The following RSRC1 variants were observed in gnomAD, a reference collection of about 807,000 sequenced individuals.
RSRC1 encodes the protein arginine and serine rich coiled-coil 1.
RSRC1 carries 39 observed loss-of-function variants against 49.1 expected under a neutral mutation model. That is an observed-to-expected ratio of 0.79 (90% CI 0.61 to 1.04). RSRC1 has a LOEUF of 1.04. Among genes scored for constraint, RSRC1 ranks in the 50% least tolerant of loss-of-function variants. The pLI is 0.00. For synonymous variants in RSRC1, 143 were observed against 130.8 expected, an observed-to-expected ratio of 1.09 and a Z score of -0.63; for missense variants, 388 against 402.4, an observed-to-expected ratio of 0.96 and a Z score of 0.31.
Position 158,537,170 on chromosome 3 carries a change from C to T in RSRC1, c.731C>T (p.Thr244Ile), listed in dbSNP as rs758900863. The T allele has an allele frequency of 4.4e-6, 7 of 1,595,074 alleles. No individual in the cohort carries two copies. Among genetic ancestry groups the T allele is most frequent in the Non-Finnish European group, 6.0e-6 (7 of 1,172,098 alleles). The change falls in exon 8 of 10, where the codon ACA becomes ATA. Residue 244 changes from threonine to isoleucine, a missense_variant. Coordinates refer to ENST00000611884, the MANE Select transcript of RSRC1 (RefSeq NM_001271838.2). ...GAAAGTGATTCTTTTGTTCAGCAGA[C>T]ATTCAGATCAAGTAAAGAAGTCAAA... ...AIESDSFVQQ[T>I]FRSSKEVKKS...
chr3:158,139,458 G>A (rs1041820141), intron 3 of RSRC1, among the ~76,000 whole-genome samples: 39 of 152,150 alleles, frequency 2.6e-4, no homozygotes, highest in African/African-American at 9.4e-4. Flanking sequence ...GGTGCTGCAA[G>A]CCTACAACTA....
chr3:158,492,301 A>C (rs1291556516), intron 7 of RSRC1, among the ~76,000 whole-genome samples: 1 of 152,234 alleles, frequency 6.6e-6, no homozygotes, highest in Non-Finnish European at 1.5e-5. Flanking sequence ...CACAGAGCCA[A>C]ACCATATCAC....
At chr3:158,400,418 T>TA (rs57965060) in intron 6 of RSRC1, among the ~76,000 whole-genome samples, 5,244 of 152,056 alleles carry the variant, frequency 0.034, 321 homozygotes, top group African/African-American at 0.12. Context: ...TTTCTGTGTA[T>TA]AAAAAAATAG....
chr3:158,267,338 C>A (rs1725247180), intron 4 of RSRC1, among the ~76,000 whole-genome samples: 1 of 152,024 alleles, frequency 6.6e-6, no homozygotes, highest in Non-Finnish European at 1.5e-5. Flanking sequence ...TCATGTTTAG[C>A]CAAACTGAAA....
At chr3:158,174,902 G>A (rs968157871) in intron 3 of RSRC1, among the ~76,000 whole-genome samples, 1 of 152,000 alleles carries the variant, frequency 6.6e-6, no homozygotes. Flanking sequence ...ATATGTGTAT[G>A]TCCAACTTGT....
intron 4 of RSRC1, among the ~76,000 whole-genome samples, chr3:158,242,455 T>C (rs1723649380): frequency 6.6e-6 from 1 of 152,216 alleles, no homozygotes; most frequent in African/African-American, 2.4e-5. Flanking sequence ...TCTATCATTG[T>C]TGGACATTTA....
At chr3:158,118,408 G>T (rs2108157175) in intron 1 of RSRC1, among the ~76,000 whole-genome samples, 1 of 96,230 alleles carries the variant, frequency 1.0e-5, no homozygotes, top group South Asian at 3.4e-4. Flanking sequence ...TAAGTACCTG[G>T]CCTTCTGTGT....
intron 1 of RSRC1, among the ~76,000 whole-genome samples, chr3:158,111,443 A>G (rs1279461148): frequency 1.3e-5 from 2 of 152,244 alleles, no homozygotes; most frequent in Non-Finnish European, 2.9e-5. Context: ...CGGGTTGTTT[A>G]TAGTAGATCT....
Position 158,360,215 on chromosome 3 carries a change from G to C in RSRC1, c.583+5307G>C, listed in dbSNP as rs1731391932. Among the ~76,000 whole-genome samples the C allele has an allele frequency of 2.0e-5, 3 of 152,138 alleles. No homozygotes were observed. The South Asian group carries it at 6.2e-4, about 32-fold the overall frequency. On this transcript the variant is annotated intron_variant, in intron 6 of 9. Coordinates refer to ENST00000611884, the MANE Select transcript of RSRC1 (RefSeq NM_001271838.2). Reference sequence around the variant, plus strand: ...CCTCCCCTTGTCTCTGCAGCTCTCAGCAGAGAAGGTAGCCTCTCTCTGCAG... The same window carrying C: ...CCTCCCCTTGTCTCTGCAGCTCTCACCAGAGAAGGTAGCCTCTCTCTGCAG...
chr3:158,292,554 T>G (rs1319716331), intron 4 of RSRC1, among the ~76,000 whole-genome samples: 2 of 152,192 alleles, frequency 1.3e-5, no homozygotes, highest in East Asian at 3.8e-4. Context: ...TAAGTCTGCT[T>G]TCAGCACAGG....
intron 7 of RSRC1, among the ~76,000 whole-genome samples, chr3:158,498,167 G>A (rs1169815074): frequency 6.6e-6 from 1 of 151,544 alleles, no homozygotes; most frequent in Non-Finnish European, 1.5e-5. Flanking sequence ...CATAGCAGCT[G>A]TATTAGTTTA....
intron 4 of RSRC1, among the ~76,000 whole-genome samples, chr3:158,260,741 G>A (rs1724848166): frequency 1.3e-5 from 2 of 152,270 alleles, no homozygotes; most frequent in South Asian, 2.1e-4. Context: ...TAATTCCAAC[G>A]ACTGGGATGG....
chr3:158,238,296 G>A (rs1723355858), intron 4 of RSRC1, among the ~76,000 whole-genome samples: 1 of 152,162 alleles, frequency 6.6e-6, no homozygotes, highest in Non-Finnish European at 1.5e-5. Flanking sequence ...ACTGCCCAAG[G>A]TAATTTATAG....
intron 6 of RSRC1, among the ~76,000 whole-genome samples, chr3:158,435,840 ATG>A (rs766048098): frequency 1.1e-4 from 16 of 151,770 alleles, no homozygotes; most frequent in Non-Finnish European, 2.2e-4. Flanking sequence ...TAACTAGAAG[ATG>A]TGTGTTTTAT....
chr3:158,389,863 T>G (rs1199115094), intron 6 of RSRC1, among the ~76,000 whole-genome samples: 1 of 152,192 alleles, frequency 6.6e-6, no homozygotes, highest in Non-Finnish European at 1.5e-5. Flanking sequence ...TAATGCTACT[T>G]GCCTTTTTCA....
At chr3:158,151,945 G>A (rs192093021) in intron 3 of RSRC1, among the ~76,000 whole-genome samples, 3 of 152,228 alleles carry the variant, frequency 2.0e-5, no homozygotes, top group Admixed American at 2.0e-4. Context: ...AATGAAACTT[G>A]TTAGGTTCTT....
At chr3:158,129,105 A>G (rs1442657948) in intron 3 of RSRC1, among the ~76,000 whole-genome samples, 1 of 151,980 alleles carries the variant, frequency 6.6e-6, no homozygotes, top group Non-Finnish European at 1.5e-5. Context: ...TCTAACTATA[A>G]GTATTCTGCG....
At chr3:158,498,840 T>C (rs1184564016) in intron 7 of RSRC1, among the ~76,000 whole-genome samples, 1 of 152,170 alleles carries the variant, frequency 6.6e-6, no homozygotes, top group Non-Finnish European at 1.5e-5. Flanking sequence ...CTTTCCCTAC[T>C]TTATGTTTTT....
intron 7 of RSRC1, among the ~76,000 whole-genome samples, chr3:158,509,352 A>C (rs557246593): frequency 4.6e-5 from 7 of 152,322 alleles, no homozygotes; most frequent in Non-Finnish European, 8.8e-5. Flanking sequence ...AGACACCTGC[A>C]CACAACTTCC....
Sources: gnomAD v4.1 joint callset for allele counts (sites outside exome capture counted in the v4.1 genomes callset) on GRCh38, gnomAD v4.1.1 for gene constraint, MANE v1.5 for transcripts, NCBI Gene and HGNC (gene_info 2026-07-23, HGNC 2026-07-21) for gene names.